The following CHCHD6 variants were observed in gnomAD, a reference collection of about 807,000 sequenced individuals.
The protein encoded by CHCHD6 is MICOS complex subunit MIC25.
A neutral mutation model predicts 32.3 loss-of-function variants in CHCHD6; 28 were observed. The ratio of observed to expected loss-of-function variants is 0.87; its 90% CI spans 0.64 to 1.19. The LOEUF (loss-of-function observed/expected upper bound fraction) is 1.19. Ranked by LOEUF, CHCHD6 falls within the 50% of genes most tolerant of loss-of-function variation. The pLI is 0.00. For synonymous variants in CHCHD6, 122 were observed against 117.5 expected, an observed-to-expected ratio of 1.04 and a Z score of -0.25; for missense variants, 333 against 307.0, an observed-to-expected ratio of 1.08 and a Z score of -0.63.
intron 1 of CHCHD6, among the ~76,000 whole-genome samples, chr3:126,716,998 G>A (rs1213780905): frequency 6.6e-6 from 1 of 152,164 alleles, no homozygotes; most frequent in Non-Finnish European, 1.5e-5. Flanking sequence ...TGCTTAGCAG[G>A]TGCATCTCCC....
At chr3:126,898,908 T>A (rs2077880651) in intron 5 of CHCHD6, among the ~76,000 whole-genome samples, 1 of 152,220 alleles carries the variant, frequency 6.6e-6, no homozygotes, top group Non-Finnish European at 1.5e-5. Flanking sequence ...GAATTTCACC[T>A]CAGTAAATAT....
intron 5 of CHCHD6, among the ~76,000 whole-genome samples, chr3:126,858,305 G>A (rs1941733297): frequency 6.7e-6 from 1 of 149,976 alleles, no homozygotes; most frequent in African/African-American, 2.4e-5. Context: ...CAGGGGCGGG[G>A]GCGGGGGGGA....
intron 4 of CHCHD6, among the ~76,000 whole-genome samples, chr3:126,762,490 A>G (rs1374481667): frequency 2.0e-5 from 3 of 152,038 alleles, no homozygotes; most frequent in Admixed American, 1.3e-4. Context: ...TTGTGGTTGG[A>G]GAAGATACTT....
chr3:126,902,784 A>T (rs1278782554), intron 5 of CHCHD6, among the ~76,000 whole-genome samples: 3 of 151,808 alleles, frequency 2.0e-5, no homozygotes, highest in Non-Finnish European at 4.4e-5. Context: ...CCTTCTGCAC[A>T]TCCATGCTCC....
intron 5 of CHCHD6, among the ~76,000 whole-genome samples, chr3:126,888,810 T>C (rs2077713614): frequency 6.6e-6 from 1 of 152,190 alleles, no homozygotes; most frequent in Non-Finnish European, 1.5e-5. Flanking sequence ...GGGGCTGAGC[T>C]GGGTAGCCCC....
intron 4 of CHCHD6, among the ~76,000 whole-genome samples, chr3:126,790,861 G>T (rs755414719): frequency 6.6e-6 from 1 of 152,234 alleles, no homozygotes; most frequent in African/African-American, 2.4e-5. Context: ...TTCCGTTGCT[G>T]GTGAGGAGCT....
intron 4 of CHCHD6, among the ~76,000 whole-genome samples, chr3:126,789,304 T>C (rs1938397839): frequency 6.6e-6 from 1 of 152,172 alleles, no homozygotes; most frequent in Non-Finnish European, 1.5e-5. Flanking sequence ...TTCTGTTGAT[T>C]TGGGGTGGAG....
At chr3:126,949,350 C>T (rs73193106) in intron 6 of CHCHD6, 2,686 of 227,896 alleles carry the variant, frequency 0.012, 26 homozygotes, top group African/African-American at 0.024. Flanking sequence ...CTGCCATGGA[C>T]GGAAGGGAAG....
intron 5 of CHCHD6, among the ~76,000 whole-genome samples, chr3:126,900,348 TG>T (rs2077904109): frequency 6.6e-6 from 1 of 152,238 alleles, no homozygotes; most frequent in Non-Finnish European, 1.5e-5. Context: ...AGATACTGTT[TG>T]TAAGTCACTC....
chr3:126,787,899 G>T (rs1181267508), intron 4 of CHCHD6, among the ~76,000 whole-genome samples: 1 of 152,138 alleles, frequency 6.6e-6, no homozygotes, highest in Non-Finnish European at 1.5e-5. Flanking sequence ...TCCCTGTCTT[G>T]TGCCAGTTTT....
chr3:126,705,526 G>C (rs1306479882), intron 1 of CHCHD6, among the ~76,000 whole-genome samples: 1 of 152,226 alleles, frequency 6.6e-6, no homozygotes. Flanking sequence ...CATGTAAATA[G>C]TAAGTGGGAG....
At chr3:126,745,379 T>C (rs868293102) in intron 4 of CHCHD6, among the ~76,000 whole-genome samples, 10 of 152,178 alleles carry the variant, frequency 6.6e-5, no homozygotes, top group Admixed American at 3.3e-4. Flanking sequence ...ACATGTCAAA[T>C]GGCACACCTC....
intron 4 of CHCHD6, among the ~76,000 whole-genome samples, chr3:126,813,506 C>T (rs750060127): frequency 6.6e-6 from 1 of 152,210 alleles, no homozygotes. Context: ...TAATTCTGAG[C>T]ATCTGCTAGG....
At chr3:126,767,158 G>T (rs116298600) in intron 4 of CHCHD6, 1 of 1,590,026 alleles carries the variant, frequency 6.3e-7, no homozygotes, top group Non-Finnish European at 8.6e-7. Flanking sequence ...AGGAATAGAG[G>T]TTTCCTTTGC....
At chr3:126,719,357 A>G (rs575429584) in intron 1 of CHCHD6, among the ~76,000 whole-genome samples, 5 of 152,326 alleles carry the variant, frequency 3.3e-5, no homozygotes, top group Non-Finnish European at 5.9e-5. Context: ...ACGGCTAAGC[A>G]GGCTTCCCTA....
chr3:126,933,435 G>A (rs893833026), intron 6 of CHCHD6, among the ~76,000 whole-genome samples: 35 of 152,176 alleles, frequency 2.3e-4, no homozygotes, highest in African/African-American at 8.2e-4. Context: ...AATTTATAAA[G>A]AAAAGAGGTT....
chr3:126,745,682 C>T (rs186009686), intron 4 of CHCHD6, among the ~76,000 whole-genome samples: 23 of 152,276 alleles, frequency 1.5e-4, no homozygotes, highest in Admixed American at 1.2e-3. Context: ...CTTCAGGCTT[C>T]GGAGGCCCCT....
chr3:126,737,180 C>T lies in CHCHD6; in HGVS notation c.411+3958C>T, dbSNP rs1412750220. On this transcript the variant is annotated intron_variant, in intron 4 of 7. Coordinates refer to ENST00000290913, the MANE Select transcript of CHCHD6 (RefSeq NM_032343.3). ...CAGTAAAAATACAAAATTAGCTGGG[C>T]GTGGTGGTGCATGCCTGGAATCCCA... Among the ~76,000 whole-genome samples, 6 of 151,932 alleles carry T rather than the reference C, an allele frequency of 3.9e-5. No homozygotes were observed. The East Asian group carries it at 5.8e-4, about 15-fold the overall frequency.
At position 126,852,693 on chromosome 3, in the gene CHCHD6, CCTT is replaced by C; in HGVS notation, c.461_463del (p.Phe154del). The C allele has an allele frequency of 6.2e-7, 1 of 1,613,806 alleles. No homozygotes were observed. Among genetic ancestry groups the C allele is most frequent in the Non-Finnish European group, 8.5e-7 (1 of 1,179,828 alleles). On this transcript the variant is annotated inframe_deletion, in exon 5 of 8. Coordinates refer to ENST00000290913, the MANE Select transcript of CHCHD6 (RefSeq NM_032343.3). The stretch of plus-strand genomic sequence containing the variant: ...GAGGCAGAGCTAAGACGCCGTGACA[CCTT>C]CTACAAGGAGCAGCTGGAGCGTATT...
Sources: gnomAD v4.1 joint callset for allele counts (sites outside exome capture counted in the v4.1 genomes callset) on GRCh38, gnomAD v4.1.1 for gene constraint, MANE v1.5 for transcripts, NCBI Gene and HGNC (gene_info 2026-07-23, HGNC 2026-07-21) for gene names.